The following CHN1 variants were observed in gnomAD, a reference collection of about 807,000 sequenced individuals.
CHN1 encodes the protein N-chimaerin.
A neutral mutation model predicts 59.5 loss-of-function variants in CHN1; 37 were observed. The ratio of observed to expected loss-of-function variants is 0.62; its 90% CI spans 0.48 to 0.82. CHN1 has a LOEUF of 0.82. Among genes scored for constraint, CHN1 ranks in the 40% least tolerant of loss-of-function variants. The probability of loss-of-function intolerance (pLI) is 0.00; values close to 1 mark genes in which losing one functional copy is unlikely to be tolerated. For missense variants in CHN1, 469 were observed against 571.0 expected, an observed-to-expected ratio of 0.82 and a Z score of 1.82; for synonymous variants, 206 against 200.4, an observed-to-expected ratio of 1.03 and a Z score of -0.24.
intron 3 of CHN1, among the ~76,000 whole-genome samples, chr2:174,924,139 G>A (rs887306401): frequency 6.6e-6 from 1 of 152,064 alleles, no homozygotes; most frequent in African/African-American, 2.4e-5. Context: ...CCTCCTTTCT[G>A]TCTAAAAACA....
At chr2:174,988,504 T>C (rs1009736052) in intron 1 of CHN1, among the ~76,000 whole-genome samples, 1 of 152,238 alleles carries the variant, frequency 6.6e-6, no homozygotes, top group African/African-American at 2.4e-5. Flanking sequence ...GTGTACCGTT[T>C]TGCAAATATT....
At chr2:174,842,551 T>A (rs559629181) in intron 7 of CHN1, among the ~76,000 whole-genome samples, 1 of 148,674 alleles carries the variant, frequency 6.7e-6, no homozygotes, top group African/African-American at 2.6e-5. Context: ...TATATTAAAA[T>A]TATTATTTGT....
At chr2:174,989,824 G>A (rs1287611939) in intron 1 of CHN1, among the ~76,000 whole-genome samples, 1 of 151,508 alleles carries the variant, frequency 6.6e-6, no homozygotes, top group Non-Finnish European at 1.5e-5. Context: ...TATCTTAAAT[G>A]TACTCTTACC....
intron 5 of CHN1, 96 bp from the exon 6 acceptor site, chr2:174,878,224 T>C (rs1021422822): frequency 8.9e-7 from 1 of 1,128,632 alleles, no homozygotes; most frequent in Non-Finnish European, 1.2e-6. Flanking sequence ...TATCGCTTTG[T>C]TTTGTGTGTG....
intron 7 of CHN1, among the ~76,000 whole-genome samples, chr2:174,846,130 C>T (rs1686502874): frequency 6.6e-6 from 1 of 152,146 alleles, no homozygotes. Context: ...TTATGCACCA[C>T]CTCACGTTGT....
intron 8 of CHN1, among the ~76,000 whole-genome samples, chr2:174,816,403 C>T (rs1685263512): frequency 6.6e-6 from 1 of 152,222 alleles, no homozygotes; most frequent in Non-Finnish European, 1.5e-5. Context: ...CTGCAGCATC[C>T]ACTGAGAAGG....
chr2:174,861,794 G>T (rs1331539619), intron 6 of CHN1, among the ~76,000 whole-genome samples: 1 of 152,198 alleles, frequency 6.6e-6, no homozygotes, highest in African/African-American at 2.4e-5. Flanking sequence ...CCTGAAATAA[G>T]AAGGATGTTT....
chr2:174,855,799 TA>T (rs1340053969), intron 6 of CHN1, among the ~76,000 whole-genome samples: 1 of 152,148 alleles, frequency 6.6e-6, no homozygotes, highest in Non-Finnish European at 1.5e-5. Context: ...TTGTATACTT[TA>T]AAGACTTAAA....
chr2:174,994,426 T>G (rs1173637599), intron 1 of CHN1, among the ~76,000 whole-genome samples: 1 of 152,158 alleles, frequency 6.6e-6, no homozygotes, highest in Non-Finnish European at 1.5e-5. Flanking sequence ...TACAGTAGAC[T>G]CCATAACATC....
At chr2:174,927,090 C>T (rs1689190021) in intron 3 of CHN1, among the ~76,000 whole-genome samples, 1 of 152,084 alleles carries the variant, frequency 6.6e-6, no homozygotes, top group African/African-American at 2.4e-5. Context: ...CTTCCTCCTT[C>T]CCCAATATCT....
At chr2:174,948,906 C>T (rs1315773683) in intron 2 of CHN1, among the ~76,000 whole-genome samples, 3 of 152,146 alleles carry the variant, frequency 2.0e-5, no homozygotes, top group Admixed American at 2.0e-4. Context: ...TACAGTTTGT[C>T]GGTCCCAAAG....
At chr2:174,820,081 G>T (rs572755124) in intron 8 of CHN1, among the ~76,000 whole-genome samples, 2 of 151,922 alleles carry the variant, frequency 1.3e-5, no homozygotes, top group South Asian at 4.2e-4. Context: ...TTGGACATTT[G>T]GGTTGGTTCC....
At chr2:174,962,604 T>A (rs1223821602) in intron 1 of CHN1, among the ~76,000 whole-genome samples, 6 of 140,690 alleles carry the variant, frequency 4.3e-5, no homozygotes, top group African/African-American at 1.6e-4. Context: ...AAAATATCTT[T>A]ATCATGGTAT....
chr2:174,994,951 G>A lies in CHN1; in HGVS notation c.19+9943C>T, dbSNP rs187947321. ...ATTGTAAACTAACCAATTTCTAAGA[G>A]GCAGGTTTAAGTTTCCGATTACAGA... is the stretch of plus-strand genomic sequence containing the variant. On this transcript the variant is annotated intron_variant, in intron 1 of 12. Transcript: ENST00000409900. Among the ~76,000 whole-genome samples, 16 of 152,186 alleles carry A rather than the reference G, an allele frequency of 1.1e-4. No individual in the cohort carries two copies. In the East Asian group the frequency reaches 2.5e-3, roughly 24 times the overall value.
At chr2:174,801,678 A>C (rs1159970466) in intron 12 of CHN1, 29 bp downstream of exon 12, 2 of 1,517,376 alleles carry the variant, frequency 1.3e-6, no homozygotes. Context: ...GATGCAATAC[A>C]AGTGTAAGAC....
At chr2:174,990,636 T>C (rs979791338) in intron 1 of CHN1, among the ~76,000 whole-genome samples, 4 of 152,160 alleles carry the variant, frequency 2.6e-5, no homozygotes, top group African/African-American at 9.7e-5. Flanking sequence ...TCTTGTTCCT[T>C]TTCTTGTTCT....
At chr2:174,916,139 C>T (rs888187845) in intron 4 of CHN1, among the ~76,000 whole-genome samples, 6 of 152,170 alleles carry the variant, frequency 3.9e-5, no homozygotes, top group African/African-American at 1.4e-4. Context: ...CCGGGGAAGA[C>T]TGACTCTTAC....
chr2:174,861,514 C>A (rs1687067370), intron 6 of CHN1, among the ~76,000 whole-genome samples: 1 of 152,190 alleles, frequency 6.6e-6, no homozygotes, highest in African/African-American at 2.4e-5. Flanking sequence ...GTCTCCTGCC[C>A]TTATACTGTC....
chr2:174,950,776 A>AGT (rs1334611967), intron 2 of CHN1, among the ~76,000 whole-genome samples: 3 of 143,656 alleles, frequency 2.1e-5, no homozygotes, highest in African/African-American at 8.4e-5. Flanking sequence ...AATGCAGAGA[A>AGT]GTTTTTTTTT....
Sources: allele counts gnomAD v4.1 joint callset (sites outside exome capture counted in the v4.1 genomes callset), GRCh38; gene constraint gnomAD v4.1.1; transcripts MANE v1.5; gene names NCBI Gene and HGNC (gene_info 2026-07-23, HGNC 2026-07-21).